Variants in CENPW observed in about 807,000 individuals in gnomAD.
CENPW encodes the protein cancer-up-regulated gene 2 protein.
A neutral mutation model predicts 11.1 loss-of-function variants in CENPW; 3 were observed. That is an observed-to-expected ratio of 0.27 (90% CI 0.12 to 0.70). The LOEUF (loss-of-function observed/expected upper bound fraction) is 0.70. CENPW is among the 30% of genes least tolerant of loss of function. The pLI, the probability that CENPW is intolerant of heterozygous loss-of-function variation, is 0.77. For missense variants in CENPW, 100 were observed against 105.6 expected (o/e 0.95, Z 0.23); for synonymous variants, 38 against 42.0 (o/e 0.91, Z 0.37).
the CENPW span, among the ~76,000 whole-genome samples, chr6:126,468,420 C>CAAAAAAA: frequency 1.9e-5 from 1 of 53,530 alleles, no homozygotes; most frequent in Admixed American, 3.1e-4. Flanking sequence ...AACTCTGTCT[C>CAAAAAAA]AAAAAAAAAA....
At chr6:126,421,694 C>T in the CENPW span, among the ~76,000 whole-genome samples, 1 of 151,764 alleles carries the variant, frequency 6.6e-6, no homozygotes, top group African/African-American at 2.4e-5. Context: ...GGCAAACCTT[C>T]AGTCTTGGGT....
the CENPW span, among the ~76,000 whole-genome samples, chr6:126,444,636 C>G: frequency 6.6e-6 from 1 of 150,768 alleles, no homozygotes; most frequent in Non-Finnish European, 1.5e-5. Context: ...TTCTGCTATT[C>G]TTTCATAGTT....
chr6:126,389,478 C>A, the CENPW span, among the ~76,000 whole-genome samples: 10 of 151,960 alleles, frequency 6.6e-5, no homozygotes, highest in East Asian at 1.7e-3. Flanking sequence ...GAATCCTTTT[C>A]TTTTCCATTT....
At chr6:126,384,985 T>A in the CENPW span, among the ~76,000 whole-genome samples, 6 of 152,014 alleles carry the variant, frequency 3.9e-5, no homozygotes, top group Non-Finnish European at 8.8e-5. Flanking sequence ...GTACACACAT[T>A]TGGTGGAGAA....
chr6:126,389,190 T>TCGCTTC, the CENPW span, among the ~76,000 whole-genome samples: 1 of 151,948 alleles, frequency 6.6e-6, no homozygotes, highest in Non-Finnish European at 1.5e-5. Flanking sequence ...TGCTTCCAAC[T>TCGCTTC]CACTTCCAAC....
At chr6:126,457,125 A>G in the CENPW span, among the ~76,000 whole-genome samples, 1 of 151,440 alleles carries the variant, frequency 6.6e-6, no homozygotes, top group Non-Finnish European at 1.5e-5. Context: ...CATTGTGGAA[A>G]GTAATGTAGC....
At chr6:126,394,868 A>C in the CENPW span, among the ~76,000 whole-genome samples, 1 of 151,942 alleles carries the variant, frequency 6.6e-6, no homozygotes, top group Admixed American at 6.6e-5. Context: ...CAATACTTTA[A>C]ATATGTCATG....
the CENPW span, among the ~76,000 whole-genome samples, chr6:126,441,520 T>C: frequency 6.6e-6 from 1 of 151,420 alleles, no homozygotes; most frequent in Non-Finnish European, 1.5e-5. Flanking sequence ...CATGAATAAG[T>C]TTAGTGGTGA....
At chr6:126,377,884 G>A in the CENPW span, among the ~76,000 whole-genome samples, 16 of 135,808 alleles carry the variant, frequency 1.2e-4, no homozygotes, top group Non-Finnish European at 1.8e-4. Flanking sequence ...ACTAGAGGAA[G>A]TTTTGTGAAA....
At chr6:126,368,290 C>T in the CENPW span, among the ~76,000 whole-genome samples, 5 of 152,094 alleles carry the variant, frequency 3.3e-5, no homozygotes, top group Non-Finnish European at 5.9e-5. Context: ...CATAGACCAC[C>T]ATTAGCTGCA....
the CENPW span, among the ~76,000 whole-genome samples, chr6:126,383,144 T>C: frequency 6.6e-6 from 1 of 152,050 alleles, no homozygotes; most frequent in African/African-American, 2.4e-5. Flanking sequence ...GAAGAGAAAT[T>C]CCAACCAAGA....
At chr6:126,360,959 T>C in the CENPW span, among the ~76,000 whole-genome samples, 1 of 152,184 alleles carries the variant, frequency 6.6e-6, no homozygotes, top group Non-Finnish European at 1.5e-5. Context: ...GGGGGAGTAG[T>C]GGGCTTATTT....
chr6:126,361,161 T>C, the CENPW span, among the ~76,000 whole-genome samples: 1 of 152,324 alleles, frequency 6.6e-6, no homozygotes, highest in African/African-American at 2.4e-5. Context: ...CTTATACTTG[T>C]TTTCACAGGG....
At chr6:126,404,232 T>C in the CENPW span, among the ~76,000 whole-genome samples, 1 of 152,142 alleles carries the variant, frequency 6.6e-6, no homozygotes, top group Non-Finnish European at 1.5e-5. Flanking sequence ...TAATGTTGTT[T>C]ACATATCTGC....
At chr6:126,471,590 T>C in the CENPW span, among the ~76,000 whole-genome samples, 15 of 152,304 alleles carry the variant, frequency 9.8e-5, no homozygotes, top group Admixed American at 2.6e-4. Flanking sequence ...TGGATAAATA[T>C]ATATTCTCAC....
the CENPW span, among the ~76,000 whole-genome samples, chr6:126,448,369 A>G: frequency 1.3e-5 from 2 of 151,114 alleles, no homozygotes; most frequent in African/African-American, 4.8e-5. Context: ...TTAACAATAT[A>G]TGTGGGCTTT....
downstream of CENPW, among the ~76,000 whole-genome samples, chr6:126,350,986 G>T (rs1322051737): frequency 3.3e-5 from 5 of 151,382 alleles, no homozygotes; most frequent in African/African-American, 1.2e-4. Flanking sequence ...TCAAGAGCTG[G>T]ACTAGGGAAT....
At chr6:126,374,088 A>G in the CENPW span, among the ~76,000 whole-genome samples, 15 of 152,166 alleles carry the variant, frequency 9.9e-5, no homozygotes, top group African/African-American at 3.4e-4. Flanking sequence ...GATCACAGGG[A>G]TAGAGGGAGA....
At chr6:126,472,671 A>G in the CENPW span, among the ~76,000 whole-genome samples, 4 of 152,246 alleles carry the variant, frequency 2.6e-5, no homozygotes, top group Admixed American at 2.0e-4. Flanking sequence ...ACATAGGAGT[A>G]GAATGAGTAG....
Sources: allele counts gnomAD v4.1 joint callset (sites outside exome capture counted in the v4.1 genomes callset), GRCh38; gene constraint gnomAD v4.1.1; transcripts MANE v1.5; gene names NCBI Gene and HGNC (gene_info 2026-07-23, HGNC 2026-07-21).